Variants in ASAP1 observed in about 807,000 individuals in gnomAD.
ASAP1 encodes ArfGAP with SH3 domain, ankyrin repeat and PH domain 1.
ASAP1 carries 43 observed loss-of-function variants against 145.2 expected under a neutral mutation model. That is an observed-to-expected ratio of 0.30 (90% CI 0.23 to 0.38). The LOEUF is 0.38. Among genes scored for constraint, ASAP1 ranks in the 10% least tolerant of loss-of-function variants. ASAP1 has a pLI of 1.00. For synonymous variants in ASAP1, 546 were observed against 515.5 expected, an observed-to-expected ratio of 1.06 and a Z score of -0.80; for missense variants, 1,018 against 1,355.3, an observed-to-expected ratio of 0.75 and a Z score of 3.91.
At chr8:130,225,265 A>G (rs1817523151) in intron 4 of ASAP1, among the ~76,000 whole-genome samples, 1 of 152,200 alleles carries the variant, frequency 6.6e-6, no homozygotes, top group South Asian at 2.1e-4. Flanking sequence ...GAAATTTAAA[A>G]ATGTCATGTA....
At chr8:130,070,094 T>G (rs922839324) in intron 27 of ASAP1, among the ~76,000 whole-genome samples, 7 of 152,200 alleles carry the variant, frequency 4.6e-5, no homozygotes, top group Non-Finnish European at 1.0e-4. Context: ...TGGAGTGCAG[T>G]GGCGCAATCT....
At chr8:130,296,905 C>G (rs1822314943) in intron 3 of ASAP1, among the ~76,000 whole-genome samples, 1 of 152,094 alleles carries the variant, frequency 6.6e-6, no homozygotes, top group African/African-American at 2.4e-5. Flanking sequence ...TACTTTTTCA[C>G]AGTCTGGTAG....
intron 7 of ASAP1, among the ~76,000 whole-genome samples, chr8:130,185,288 T>A (rs1263141612): frequency 1.3e-5 from 2 of 152,238 alleles, no homozygotes; most frequent in Admixed American, 1.3e-4. Flanking sequence ...ATTCCTGTTA[T>A]ACATTTCCAG....
intron 21 of ASAP1, 39 bp downstream of exon 21, chr8:130,116,841 C>T (rs376202341): frequency 1.2e-5 from 19 of 1,579,522 alleles, no homozygotes; most frequent in Admixed American, 5.0e-5. Flanking sequence ...ATGCAACACA[C>T]GCTTACTACA....
intron 10 of ASAP1, among the ~76,000 whole-genome samples, chr8:130,167,917 G>A (rs2097683267): frequency 1.3e-5 from 2 of 152,094 alleles, no homozygotes; most frequent in South Asian, 4.1e-4. Context: ...TTTGCTTCTG[G>A]TTTTTCAAAG....
intron 9 of ASAP1, among the ~76,000 whole-genome samples, chr8:130,174,378 C>T (rs969028177): frequency 2.0e-5 from 3 of 152,186 alleles, no homozygotes; most frequent in African/African-American, 7.2e-5. Flanking sequence ...AAAATTACCT[C>T]GAGGATGTCT....
At chr8:130,356,723 A>G (rs1330123120) in intron 3 of ASAP1, among the ~76,000 whole-genome samples, 1 of 152,186 alleles carries the variant, frequency 6.6e-6, no homozygotes, top group Non-Finnish European at 1.5e-5. Flanking sequence ...GATGGGACCC[A>G]GCACTAACAG....
chr8:130,410,893 C>T (rs28562521), intron 1 of ASAP1, among the ~76,000 whole-genome samples: 49,496 of 152,092 alleles, frequency 0.33, 8,834 homozygotes, highest in African/African-American at 0.46. Context: ...CAGAGTCTTG[C>T]TCTGTCGCCC....
chr8:130,184,523 G>T (rs1399782945), intron 7 of ASAP1, among the ~76,000 whole-genome samples: 1 of 152,206 alleles, frequency 6.6e-6, no homozygotes, highest in Non-Finnish European at 1.5e-5. Context: ...GTACCATTAG[G>T]TATGACATAA....
chr8:130,087,677 C>A (rs1564944052), intron 25 of ASAP1, among the ~76,000 whole-genome samples: 2 of 152,060 alleles, frequency 1.3e-5, no homozygotes, highest in South Asian at 4.1e-4. Context: ...GAACAGGTGG[C>A]CTAAAACAGA....
At chr8:130,323,265 G>A (rs545132274) in intron 3 of ASAP1, among the ~76,000 whole-genome samples, 1 of 152,268 alleles carries the variant, frequency 6.6e-6, no homozygotes, top group South Asian at 2.1e-4. Context: ...TGAACATTAC[G>A]GACTGGACAC....
intron 3 of ASAP1, among the ~76,000 whole-genome samples, chr8:130,253,778 T>C (rs896832067): frequency 2.6e-5 from 4 of 152,304 alleles, no homozygotes; most frequent in Non-Finnish European, 5.9e-5. Context: ...GAAGTTAAGA[T>C]TTTACTTTTT....
At chr8:130,306,333 CTGTAAATGCACATAAG>C (rs1247060678) in intron 3 of ASAP1, among the ~76,000 whole-genome samples, 1 of 152,216 alleles carries the variant, frequency 6.6e-6, no homozygotes, top group Non-Finnish European at 1.5e-5. Context: ...TAGCAAGTCA[CTGTAAATGCACATAAG>C]TGACTTCTTT....
chr8:130,105,810 C>T (rs1052452843), intron 24 of ASAP1, among the ~76,000 whole-genome samples: 2 of 152,108 alleles, frequency 1.3e-5, no homozygotes, highest in Admixed American at 6.6e-5. Context: ...GGCTGGTGCC[C>T]GGGCATGATA....
intron 2 of ASAP1, among the ~76,000 whole-genome samples, chr8:130,380,449 T>C (rs1827713192): frequency 3.9e-5 from 6 of 152,098 alleles, no homozygotes; most frequent in Admixed American, 3.9e-4. Context: ...GCCTGAGGGT[T>C]TGCAGGGTGC....
chr8:130,279,208 T>C (rs979562897), intron 3 of ASAP1, among the ~76,000 whole-genome samples: 1 of 152,122 alleles, frequency 6.6e-6, no homozygotes, highest in African/African-American at 2.4e-5. Flanking sequence ...CTGAACTTTG[T>C]GGTTGCTATA....
intron 13 of ASAP1, among the ~76,000 whole-genome samples, chr8:130,148,521 A>G (rs1162335834): frequency 3.3e-5 from 5 of 152,228 alleles, no homozygotes; most frequent in African/African-American, 9.6e-5. Context: ...GATGAAGTGC[A>G]GGGTGCATTC....
At chr8:130,384,734 G>A (rs570575520) in intron 2 of ASAP1, among the ~76,000 whole-genome samples, 2 of 152,238 alleles carry the variant, frequency 1.3e-5, no homozygotes, top group Admixed American at 6.5e-5. Flanking sequence ...CACTGATAGT[G>A]TCTTTTATTA....
At chr8:130,353,095 T>A (rs779381425) in intron 3 of ASAP1, among the ~76,000 whole-genome samples, 1 of 152,234 alleles carries the variant, frequency 6.6e-6, no homozygotes, top group Non-Finnish European at 1.5e-5. Context: ...CTAGGATGAA[T>A]GTTCTATACT....
Sources: allele counts gnomAD v4.1 joint callset (sites outside exome capture counted in the v4.1 genomes callset), GRCh38; gene constraint gnomAD v4.1.1; transcripts MANE v1.5; gene names NCBI Gene and HGNC (gene_info 2026-07-23, HGNC 2026-07-21).